The following ERBB4 variants were observed in gnomAD, a reference collection of about 807,000 sequenced individuals.
ERBB4 encodes erb-b2 receptor tyrosine kinase 4.
ERBB4 carries 42 observed loss-of-function variants against 158.0 expected under a neutral mutation model. The ratio of observed to expected loss-of-function variants is 0.27; its 90% confidence interval spans 0.21 to 0.34. ERBB4 has a LOEUF of 0.34. Ranked by LOEUF, ERBB4 falls within the 10% of genes least tolerant of loss-of-function variation. The pLI is 1.00. For missense variants in ERBB4, 1,333 were observed against 1,624.1 expected (o/e 0.82, Z 3.08); for synonymous variants, 583 against 558.7 (o/e 1.04, Z -0.61).
intron 1 of ERBB4, among the ~76,000 whole-genome samples, chr2:212,461,337 A>G (rs781187424): frequency 1.1e-4 from 17 of 152,196 alleles, no homozygotes; most frequent in Non-Finnish European, 2.2e-4. Flanking sequence ...GCCCAAGACC[A>G]TGGGAACCCA....
At chr2:211,977,961 A>G (rs554282813) in intron 2 of ERBB4, among the ~76,000 whole-genome samples, 1 of 151,486 alleles carries the variant, frequency 6.6e-6, no homozygotes, top group Admixed American at 6.6e-5. Context: ...TATTTCAAAC[A>G]TGCCTATCCA....
intron 1 of ERBB4, among the ~76,000 whole-genome samples, chr2:212,287,219 A>G (rs1265301964): frequency 2.0e-5 from 3 of 151,918 alleles, no homozygotes; most frequent in African/African-American, 7.3e-5. Context: ...TTCTCTAATA[A>G]ATGTGCCTTT....
At chr2:211,671,441 GA>G (rs142618307) in intron 14 of ERBB4, among the ~76,000 whole-genome samples, 16,825 of 151,778 alleles carry the variant, frequency 0.11, 1,380 homozygotes, top group Non-Finnish European at 0.17. Flanking sequence ...CATGTGTGAA[GA>G]AAAAAAACTA....
At chr2:211,763,625 C>A (rs2075471236) in intron 4 of ERBB4, among the ~76,000 whole-genome samples, 1 of 152,012 alleles carries the variant, frequency 6.6e-6, no homozygotes, top group Non-Finnish European at 1.5e-5. Flanking sequence ...ATTAATCTTA[C>A]AGCCTTCCTT....
At chr2:211,402,355 C>CA (rs1313684120) in intron 25 of ERBB4, among the ~76,000 whole-genome samples, 9 of 151,856 alleles carry the variant, frequency 5.9e-5, no homozygotes, top group Non-Finnish European at 1.2e-4. Flanking sequence ...GTTATCCTTG[C>CA]AAAAAACGAT....
intron 4 of ERBB4, among the ~76,000 whole-genome samples, chr2:211,752,814 C>CA (rs112189140): frequency 0.46 from 69,985 of 151,174 alleles, 16,386 homozygotes; most frequent in Middle Eastern, 0.54. Context: ...TACCCACACA[C>CA]ACAAAAAACA....
Position 211,763,512 on chromosome 2 carries a change from T to C in ERBB4, c.557-12808A>G, listed in dbSNP as rs2075468267. 2.6e-5 allele frequency among the ~76,000 whole-genome samples: 4 copies of C among 152,318 alleles called. No individual in the cohort carries two copies. The South Asian group carries it at 8.3e-4, about 32-fold the overall frequency. ...AACATTTCCTTTACTAAGAGGCCAG[T>C]ATCTTCACATCATAGTGCTAACACA... On this transcript the variant is annotated intron_variant, in intron 4 of 27. Coordinates refer to ENST00000342788, the MANE Select transcript of ERBB4 (RefSeq NM_005235.3).
intron 1 of ERBB4, among the ~76,000 whole-genome samples, chr2:212,293,873 A>AAAC (rs1553612446): frequency 1.4e-5 from 2 of 146,056 alleles, no homozygotes; most frequent in Admixed American, 6.8e-5. Context: ...AAAAAAAAAA[A>AAAC]CATACATTTG....
chr2:211,625,727 C>T (rs994405363), intron 17 of ERBB4, among the ~76,000 whole-genome samples: 13 of 152,172 alleles, frequency 8.5e-5, no homozygotes, highest in Middle Eastern at 3.4e-3. Context: ...GATACATATG[C>T]TATATGTATA....
At chr2:212,323,497 C>T (rs566090281) in intron 1 of ERBB4, among the ~76,000 whole-genome samples, 1 of 150,344 alleles carries the variant, frequency 6.7e-6, no homozygotes, top group South Asian at 2.1e-4. Context: ...AAAGAAAAAT[C>T]ATCAATATCA....
chr2:212,525,813 C>T (rs1560555295), intron 1 of ERBB4, among the ~76,000 whole-genome samples: 1 of 151,944 alleles, frequency 6.6e-6, no homozygotes, highest in Non-Finnish European at 1.5e-5. Flanking sequence ...GCTCATCTGG[C>T]AGGTGAATGA....
chr2:211,603,175 G>A (rs1166345019), intron 19 of ERBB4, among the ~76,000 whole-genome samples: 3 of 152,144 alleles, frequency 2.0e-5, no homozygotes, highest in Admixed American at 6.5e-5. Flanking sequence ...AGGTTGCAGT[G>A]AGCCGAGATC....
intron 13 of ERBB4, among the ~76,000 whole-genome samples, chr2:211,678,811 C>T (rs1349989000): frequency 6.6e-6 from 1 of 151,340 alleles, no homozygotes; most frequent in Admixed American, 6.6e-5. Context: ...CTAAAAAATA[C>T]AAAAAATTAG....
intron 1 of ERBB4, among the ~76,000 whole-genome samples, chr2:212,296,259 C>T (rs889224134): frequency 6.6e-5 from 10 of 151,882 alleles, no homozygotes; most frequent in East Asian, 3.9e-4. Context: ...TTGTAGAGTC[C>T]GTGCAGCTTT....
intron 4 of ERBB4, among the ~76,000 whole-genome samples, chr2:211,760,169 C>T (rs2075374286): frequency 6.6e-6 from 1 of 152,158 alleles, no homozygotes; most frequent in African/African-American, 2.4e-5. Flanking sequence ...CCATGTGTTT[C>T]ATTGTGTCCT....
chr2:212,344,188 A>C (rs1045852843), intron 1 of ERBB4, among the ~76,000 whole-genome samples: 12 of 152,174 alleles, frequency 7.9e-5, no homozygotes, highest in Admixed American at 5.9e-4. Flanking sequence ...GTGCTCAAAA[A>C]TAGAGAGTTA....
At chr2:212,427,127 T>C (rs564154415) in intron 1 of ERBB4, among the ~76,000 whole-genome samples, 24 of 152,136 alleles carry the variant, frequency 1.6e-4, no homozygotes, top group Non-Finnish European at 3.4e-4. Flanking sequence ...GCATTATTGA[T>C]ATGGAAATGA....
At chr2:212,124,056 A>G (rs2079842730) in intron 2 of ERBB4, among the ~76,000 whole-genome samples, 1 of 152,190 alleles carries the variant, frequency 6.6e-6, no homozygotes, top group Non-Finnish European at 1.5e-5. Context: ...ATTTTCCCAA[A>G]CATATTCCAG....
chr2:211,967,902 T>C (rs894668167), intron 2 of ERBB4, among the ~76,000 whole-genome samples: 1 of 152,030 alleles, frequency 6.6e-6, no homozygotes, highest in Non-Finnish European at 1.5e-5. Context: ...AAGTTAATCA[T>C]TTAGAATACG....
Sources: allele counts gnomAD v4.1 joint callset (sites outside exome capture counted in the v4.1 genomes callset), GRCh38; gene constraint gnomAD v4.1.1; transcripts MANE v1.5; gene names NCBI Gene and HGNC (gene_info 2026-07-23, HGNC 2026-07-21).